The following MTAP variants were observed in gnomAD, a reference collection of about 807,000 sequenced individuals.
MTAP encodes methylthioadenosine phosphorylase.
In MTAP, 33 loss-of-function variants were observed where a neutral mutation model predicts 33.6. That is an observed-to-expected ratio of 0.98 (90% CI 0.74 to 1.31). The LOEUF is 1.31. Ranked by LOEUF, MTAP falls within the 40% of genes most tolerant of loss-of-function variation. The pLI is 0.00. For missense variants in MTAP, 367 were observed against 360.0 expected, an observed-to-expected ratio of 1.02 and a Z score of -0.16; for synonymous variants, 148 against 125.7, an observed-to-expected ratio of 1.18 and a Z score of -1.19.
intron 1 of MTAP, among the ~76,000 whole-genome samples, chr9:21,875,466 A>T (rs754495999): frequency 9.2e-5 from 14 of 151,950 alleles, no homozygotes; most frequent in Non-Finnish European, 1.3e-4. Context: ...AATTTGTTTA[A>T]GTTCCTTGTA....
At chr9:21,825,839 A>G (rs964362823) in intron 4 of MTAP, among the ~76,000 whole-genome samples, 5 of 152,152 alleles carry the variant, frequency 3.3e-5, no homozygotes, top group South Asian at 2.1e-4. Context: ...AAAGCCATTC[A>G]GGTGTGAGGT....
chr9:21,931,848 C>T (rs761570045), downstream of MTAP: 5 of 152,172 alleles, frequency 3.3e-5, no homozygotes, highest in Non-Finnish European at 7.3e-5. Context: ...CAGTCTTTCA[C>T]TCTGCCTTAT....
At chr9:21,828,459 A>G (rs1824878309) in intron 4 of MTAP, among the ~76,000 whole-genome samples, 1 of 152,134 alleles carries the variant, frequency 6.6e-6, no homozygotes, top group Non-Finnish European at 1.5e-5. Context: ...AGATCACCTG[A>G]GGTCAGGAGT....
chr9:21,858,029 T>G (rs1825676017), intron 6 of MTAP, among the ~76,000 whole-genome samples: 1 of 152,236 alleles, frequency 6.6e-6, no homozygotes, highest in African/African-American at 2.4e-5. Flanking sequence ...AAGCACATAA[T>G]GAGTGGTTTA....
chr9:21,816,463 T>C (rs992863625), intron 2 of MTAP, among the ~76,000 whole-genome samples: 1 of 152,212 alleles, frequency 6.6e-6, no homozygotes, highest in African/African-American at 2.4e-5. Flanking sequence ...GGGTACTCGT[T>C]ACAAATAGAT....
At chr9:21,903,066 TCTC>T (rs200353066) in intron 1 of MTAP, among the ~76,000 whole-genome samples, 2,431 of 152,314 alleles carry the variant, frequency 0.016, 32 homozygotes, top group Non-Finnish European at 0.026. Flanking sequence ...TGTGTTGTCT[TCTC>T]CTTAAGTATA....
intron 1 of MTAP, chr9:21,931,000 A>G (rs1422885715): frequency 4.0e-6 from 3 of 759,084 alleles, no homozygotes; most frequent in Non-Finnish European, 7.2e-6. Context: ...CCTTTCTCTC[A>G]CCTTTAGATG....
At chr9:21,912,979 T>C (rs1818606006) in intron 1 of MTAP, among the ~76,000 whole-genome samples, 1 of 152,184 alleles carries the variant, frequency 6.6e-6, no homozygotes, top group Non-Finnish European at 1.5e-5. Context: ...AGCATTCTTA[T>C]ACACCAATAA....
rs1337443379 is a variant in MTAP at position 21,865,194 on chromosome 9, C to G, written c.*3180C>G. 5 of 643,336 alleles carry G rather than the reference C, an allele frequency of 7.8e-6. No homozygotes were observed. The East Asian group carries it at 4.2e-4, about 54-fold the overall frequency. 39.9% of individuals were successfully genotyped at this position (643,336 alleles called of 1,614,324 possible). On this transcript the variant is annotated 3_prime_UTR_variant, in exon 8 of 8. Transcript: ENST00000644715. ...AATCATGGGGGTGGTTACCCCCACA[C>G]TGCTGTTCTCATGATACTGAGTTCT... is the stretch of plus-strand genomic sequence containing the variant.
intron 5 of MTAP, among the ~76,000 whole-genome samples, 176 bp downstream of exon 5, chr9:21,838,186 T>C (rs1441474437): frequency 6.6e-6 from 1 of 152,242 alleles, no homozygotes; most frequent in African/African-American, 2.4e-5. Context: ...TGTTCCTCTG[T>C]TACTCTCAGT....
At chr9:21,908,405 A>C (rs1818508390) in intron 1 of MTAP, among the ~76,000 whole-genome samples, 1 of 152,110 alleles carries the variant, frequency 6.6e-6, no homozygotes, top group Non-Finnish European at 1.5e-5. Context: ...CGGTAAGTAA[A>C]GTTGCTATAA....
intron 4 of MTAP, among the ~76,000 whole-genome samples, chr9:21,824,439 T>G (rs1269898450): frequency 6.6e-6 from 1 of 152,212 alleles, no homozygotes; most frequent in Non-Finnish European, 1.5e-5. Flanking sequence ...CAGCAAATGT[T>G]CCTGCCTGAT....
At chr9:21,879,277 T>C (rs931687089) in intron 1 of MTAP, among the ~76,000 whole-genome samples, 7 of 152,180 alleles carry the variant, frequency 4.6e-5, no homozygotes, top group Non-Finnish European at 8.8e-5. Context: ...AGGCTTCTTG[T>C]TGAATTGAAC....
chr9:21,930,407 A>C (rs922488747), intron 1 of MTAP: 4 of 211,014 alleles, frequency 1.9e-5, no homozygotes, highest in Non-Finnish European at 3.8e-5. Context: ...TGGAACTTGT[A>C]CCATAGATTA....
chr9:21,933,010 C>A (rs573371544), downstream of MTAP: 1 of 152,282 alleles, frequency 6.6e-6, no homozygotes, highest in East Asian at 1.9e-4. Context: ...ACCAGCTGGG[C>A]TTTCTTTAGC....
intron 4 of MTAP, among the ~76,000 whole-genome samples, chr9:21,835,150 A>C (rs1825073589): frequency 6.6e-6 from 1 of 152,182 alleles, no homozygotes; most frequent in Non-Finnish European, 1.5e-5. Flanking sequence ...AGGGCGACCT[A>C]GCTCTCTGGG....
At chr9:21,803,767 AG>A (rs1824131051) in intron 1 of MTAP, among the ~76,000 whole-genome samples, 1 of 152,302 alleles carries the variant, frequency 6.6e-6, no homozygotes, top group South Asian at 2.1e-4. Flanking sequence ...CCTATGGGAT[AG>A]GAAGGTCTGC....
intron 4 of MTAP, 114 bp downstream of exon 4, chr9:21,818,316 GCTT>G: frequency 3.0e-5 from 7 of 235,094 alleles, no homozygotes; most frequent in Admixed American, 2.6e-4. Context: ...AGACTCGCTT[GCTT>G]TTTTTTTTTT....
At chr9:21,848,301 A>G (rs373574236) in intron 5 of MTAP, among the ~76,000 whole-genome samples, 2 of 152,166 alleles carry the variant, frequency 1.3e-5, no homozygotes, top group African/African-American at 2.4e-5. Flanking sequence ...GCTACACTCA[A>G]AAAGAACCGC....
Sources: gnomAD v4.1 joint callset for allele counts (sites outside exome capture counted in the v4.1 genomes callset) on GRCh38, gnomAD v4.1.1 for gene constraint, MANE v1.5 for transcripts, NCBI Gene and HGNC (gene_info 2026-07-23, HGNC 2026-07-21) for gene names.